Variants in MEGF9 observed in about 807,000 individuals in gnomAD.
The protein encoded by MEGF9 is multiple epidermal growth factor-like domains protein 9.
Under a neutral mutation model 46.8 loss-of-function variants are expected in MEGF9, and 6 were observed. The ratio of observed to expected loss-of-function variants is 0.13; its 90% CI spans 0.07 to 0.25. The LOEUF (loss-of-function observed/expected upper bound fraction) is 0.25, where lower values mean the gene tolerates loss of function less well. Ranked by LOEUF, MEGF9 falls within the 10% of genes least tolerant of loss-of-function variation. MEGF9 has a pLI of 1.00. For missense variants in MEGF9, 683 were observed against 792.4 expected, an observed-to-expected ratio of 0.86 and a Z score of 1.66; for synonymous variants, 302 against 330.7, an observed-to-expected ratio of 0.91 and a Z score of 0.94.
intron 1 of MEGF9, among the ~76,000 whole-genome samples, chr9:120,700,990 A>C (rs2043902167): frequency 6.6e-6 from 1 of 151,562 alleles, no homozygotes; most frequent in Non-Finnish European, 1.5e-5. Context: ...ATGGTGGTGC[A>C]CGCCTGTAGT....
chr9:120,695,155 G>C (rs1204829039), intron 1 of MEGF9, among the ~76,000 whole-genome samples: 1 of 151,986 alleles, frequency 6.6e-6, no homozygotes, highest in Non-Finnish European at 1.5e-5. Context: ...GCTGTTCAAT[G>C]ATTTATTTAG....
intron 2 of MEGF9, among the ~76,000 whole-genome samples, chr9:120,635,322 G>T (rs939459751): frequency 4.6e-5 from 7 of 151,968 alleles, no homozygotes; most frequent in Non-Finnish European, 7.4e-5. Flanking sequence ...ATCTATTTGG[G>T]GACCACTGAG....
chr9:120,697,660 T>C (rs947683903), intron 1 of MEGF9, among the ~76,000 whole-genome samples: 4 of 152,202 alleles, frequency 2.6e-5, no homozygotes, highest in Non-Finnish European at 4.4e-5. Context: ...ACATTTGCCA[T>C]GCTTTTCTAC....
intron 1 of MEGF9, among the ~76,000 whole-genome samples, chr9:120,706,078 A>G (rs1313423376): frequency 6.6e-6 from 1 of 152,176 alleles, no homozygotes; most frequent in Non-Finnish European, 1.5e-5. Flanking sequence ...CTCTCCACCC[A>G]TAATTTACTC....
rs145059704 is a variant in MEGF9, at chr9:120,711,871, A to ACAC, written c.601+1886_601+1887insGTG. Reference sequence around the variant, plus strand: ...CACACACACACACACACACACACACACCCACAGGCCTGGTCATAAGCATAG... The same window carrying ACAC: ...CACACACACACACACACACACACACACACCCCACAGGCCTGGTCATAAGCATAG... On this transcript the variant is annotated intron_variant, in intron 1 of 5. Coordinates refer to ENST00000373930, the MANE Select transcript of MEGF9 (RefSeq NM_001080497.3). Among the ~76,000 whole-genome samples the ACAC allele has an allele frequency of 3.8e-4, 57 of 150,106 alleles. 1 individual carries two copies. The highest frequency in any genetic ancestry group is 1.3e-3 in the African/African-American group (52 of 40,266).
chr9:120,712,648 T>C (rs770004406), intron 1 of MEGF9, among the ~76,000 whole-genome samples: 21 of 152,170 alleles, frequency 1.4e-4, no homozygotes, highest in Non-Finnish European at 2.4e-4. Flanking sequence ...TTAAGGTTCA[T>C]AACCATGTGG....
rs559531779 is a variant in MEGF9 at position 120,701,105 on chromosome 9, T to C, written c.601+12653A>G. Among the ~76,000 whole-genome samples the C allele has an allele frequency of 8.0e-4, 120 of 149,340 alleles. 1 individual carries two copies. Among genetic ancestry groups the C allele is most frequent in the African/African-American group, 2.9e-3 (116 of 40,520 alleles). On this transcript the variant is annotated intron_variant, in intron 1 of 5. Coordinates refer to ENST00000373930, the MANE Select transcript of MEGF9 (RefSeq NM_001080497.3). ...CTGCACTCCAGGCTGGGTGACAGAG[T>C]GTGACCCTGTCTCAAAAAAAAGAAA... is the stretch of plus-strand genomic sequence containing the variant.
intron 1 of MEGF9, among the ~76,000 whole-genome samples, chr9:120,699,650 G>T (rs567097790): frequency 1.3e-5 from 2 of 149,772 alleles, no homozygotes; most frequent in Admixed American, 1.3e-4. Context: ...CTGAGCCCAG[G>T]AGTTCGAGGC....
chr9:120,622,173 G>C (rs1469577453), intron 3 of MEGF9, among the ~76,000 whole-genome samples: 2 of 152,204 alleles, frequency 1.3e-5, no homozygotes, highest in East Asian at 3.9e-4. Context: ...AGCTGGCCTT[G>C]TGTTTGGGGA....
chr9:120,691,937 G>C (rs1482701489), intron 1 of MEGF9, among the ~76,000 whole-genome samples: 1 of 152,112 alleles, frequency 6.6e-6, no homozygotes, highest in African/African-American at 2.4e-5. Context: ...GGAATAAATT[G>C]AGTTAGGTAC....
At chr9:120,704,987 T>A (rs915681701) in intron 1 of MEGF9, among the ~76,000 whole-genome samples, 1 of 144,996 alleles carries the variant, frequency 6.9e-6, no homozygotes, top group Non-Finnish European at 1.5e-5. Context: ...AGTTCTTGAT[T>A]TTTTTTTAGA....
chr9:120,684,986 C>G (rs568891146), intron 1 of MEGF9, among the ~76,000 whole-genome samples: 2 of 152,184 alleles, frequency 1.3e-5, no homozygotes, highest in South Asian at 4.1e-4. Context: ...AGGCGCCCAC[C>G]ACCACGCCCA....
At chr9:120,632,603 T>C (rs772580355) in intron 2 of MEGF9, among the ~76,000 whole-genome samples, 4 of 152,190 alleles carry the variant, frequency 2.6e-5, no homozygotes, top group Non-Finnish European at 4.4e-5. Context: ...TCTTGCCTAA[T>C]TGCTCTGGCT....
chr9:120,700,116 A>G (rs1305002252), intron 1 of MEGF9, among the ~76,000 whole-genome samples: 7 of 152,234 alleles, frequency 4.6e-5, no homozygotes, highest in Non-Finnish European at 1.0e-4. Context: ...AGTAGTTTAC[A>G]TGTGTTACTT....
intron 2 of MEGF9, among the ~76,000 whole-genome samples, chr9:120,623,484 G>A (rs2043510760): frequency 6.6e-6 from 1 of 152,204 alleles, no homozygotes. Flanking sequence ...AAGGTTCTCA[G>A]AGATAGAAGC....
intron 1 of MEGF9, among the ~76,000 whole-genome samples, chr9:120,674,866 GGCCA>G (rs1172571133): frequency 6.8e-6 from 1 of 148,098 alleles, no homozygotes; most frequent in Non-Finnish European, 1.5e-5. Context: ...TACCACATCA[GGCCA>G]GCAGTTTCTA....
chr9:120,659,907 AAAT>A (rs1218469486), intron 1 of MEGF9, among the ~76,000 whole-genome samples: 1 of 151,276 alleles, frequency 6.6e-6, no homozygotes, highest in Non-Finnish European at 1.5e-5. Flanking sequence ...ACAACATGTT[AAAT>A]AATAAATAAT....
At chr9:120,673,388 G>A (rs2043758661) in intron 1 of MEGF9, among the ~76,000 whole-genome samples, 1 of 152,028 alleles carries the variant, frequency 6.6e-6, no homozygotes, top group Admixed American at 6.5e-5. Context: ...CAACAAAGCT[G>A]GAGGACTCAC....
intron 5 of MEGF9, among the ~76,000 whole-genome samples, chr9:120,606,424 T>C (rs2043420745): frequency 6.6e-6 from 1 of 152,068 alleles, no homozygotes; most frequent in Non-Finnish European, 1.5e-5. Flanking sequence ...ACTATACCTC[T>C]AGTTATGTCT....
Sources: gnomAD v4.1 joint callset for allele counts (sites outside exome capture counted in the v4.1 genomes callset) on GRCh38, gnomAD v4.1.1 for gene constraint, MANE v1.5 for transcripts, NCBI Gene and HGNC (gene_info 2026-07-23, HGNC 2026-07-21) for gene names.